FBN1: variants seen among roughly 807,000 people sequenced by gnomAD.
FBN1 encodes fibrillin-1.
In FBN1, 29 loss-of-function variants were observed where a neutral mutation model predicts 365.1. The ratio of observed to expected loss-of-function variants is 0.08; its 90% confidence interval spans 0.06 to 0.11. FBN1 has a LOEUF of 0.11. Ranked by LOEUF, FBN1 falls within the 10% of genes least tolerant of loss-of-function variation. FBN1 has a pLI of 1.00. For missense variants in FBN1, 2,476 were observed against 3,703.2 expected (o/e 0.67, Z 8.60); for synonymous variants, 1,210 against 1,270.5 (o/e 0.95, Z 1.01).
intron 35 of FBN1, 152 bp from the exon 36 acceptor site, chr15:48,470,908 T>C (rs2043369186): frequency 1.1e-6 from 1 of 906,106 alleles, no homozygotes; most frequent in Middle Eastern, 3.2e-4. Flanking sequence ...TTTAGATGAT[T>C]TGCCATGCAC....
chr15:48,535,554 C>G (rs1024897878), intron 7 of FBN1, among the ~76,000 whole-genome samples: 1 of 152,206 alleles, frequency 6.6e-6, no homozygotes, highest in Non-Finnish European at 1.5e-5. Context: ...CCCAAGCAAA[C>G]AGTCTAATGT....
intron 65 of FBN1, 28 bp from the exon 66 acceptor site, chr15:48,411,407 A>T (rs777971482): frequency 1.9e-6 from 3 of 1,605,760 alleles, no homozygotes; most frequent in Admixed American, 3.3e-5. Flanking sequence ...AATATGTTAA[A>T]TACAATGTAC....
At chr15:48,425,242 T>C in intron 60 of FBN1, 127 bp downstream of exon 60, 4 of 1,282,348 alleles carry the variant, frequency 3.1e-6, no homozygotes, top group Non-Finnish European at 4.5e-6. Context: ...ATGGAGGCAT[T>C]AACCCCAGGG....
chr15:48,421,408 A>G (rs2042940075), intron 62 of FBN1, 150 bp downstream of exon 62: 4 of 872,626 alleles, frequency 4.6e-6, no homozygotes, highest in Non-Finnish European at 7.3e-6. Flanking sequence ...ACTCTCTAAG[A>G]TACAGGACCT....
chr15:48,471,624 C>T (rs1408440074), intron 35 of FBN1, among the ~76,000 whole-genome samples: 41 of 152,088 alleles, frequency 2.7e-4, no homozygotes, highest in Admixed American at 2.7e-3. Context: ...GGTTCCATAA[C>T]AAAGAAAAGT....
chr15:48,599,442 A>G (rs2140717021), intron 5 of FBN1, among the ~76,000 whole-genome samples: 1 of 152,316 alleles, frequency 6.6e-6, no homozygotes, highest in Non-Finnish European at 1.5e-5. Context: ...TCTAGAAGAT[A>G]CTATCTGGAA....
At chr15:48,537,916 T>C (rs2044027621) in intron 6 of FBN1, 108 bp from the exon 7 acceptor site, 1 of 1,132,616 alleles carries the variant, frequency 8.8e-7, no homozygotes, top group African/African-American at 1.5e-5. Flanking sequence ...GAAATGAATT[T>C]CAGGGACAGA....
intron 60 of FBN1, among the ~76,000 whole-genome samples, chr15:48,423,040 C>T (rs11636344): frequency 6.6e-6 from 1 of 152,250 alleles, no homozygotes; most frequent in East Asian, 1.9e-4. Flanking sequence ...CAATAAAACC[C>T]TCTGCTTTGA....
intron 32 of FBN1, among the ~76,000 whole-genome samples, chr15:48,478,694 G>T (rs2043443462): frequency 6.6e-6 from 1 of 152,182 alleles, no homozygotes. Context: ...AAGCAAATGT[G>T]TTCTCTCTCC....
chr15:48,434,227 G>A (rs2043046106), intron 54 of FBN1, among the ~76,000 whole-genome samples: 1 of 152,016 alleles, frequency 6.6e-6, no homozygotes, highest in Non-Finnish European at 1.5e-5. Context: ...AAATAGAAAA[G>A]AAGAGAAAAA....
chr15:48,492,430 T>G, intron 24 of FBN1, 31 bp downstream of exon 24: 1 of 1,604,146 alleles, frequency 6.2e-7, no homozygotes, highest in Non-Finnish European at 8.5e-7. Flanking sequence ...TAATAAATTA[T>G]TATTAGAAAA....
intron 6 of FBN1, among the ~76,000 whole-genome samples, chr15:48,553,429 T>C (rs181518464): frequency 2.6e-5 from 4 of 152,296 alleles, no homozygotes; most frequent in Admixed American, 2.6e-4. Context: ...TGTAAATGCC[T>C]AGGTAGGTTC....
chr15:48,500,032 T>C (rs2043641571), intron 17 of FBN1, among the ~76,000 whole-genome samples: 1 of 152,204 alleles, frequency 6.6e-6, no homozygotes, highest in Non-Finnish European at 1.5e-5. Flanking sequence ...CCAAAGATTA[T>C]CATGTCTTCT....
At chr15:48,516,076 A>G in intron 11 of FBN1, 107 bp downstream of exon 11, 2 of 1,134,944 alleles carry the variant, frequency 1.8e-6, no homozygotes, top group Non-Finnish European at 2.6e-6. Flanking sequence ...AAATTAATAT[A>G]ACAATTTACA....
At chr15:48,450,738 G>A (rs912167015) in intron 45 of FBN1, among the ~76,000 whole-genome samples, 13 of 152,110 alleles carry the variant, frequency 8.5e-5, no homozygotes, top group Admixed American at 3.9e-4. Flanking sequence ...GGGTGCTATG[G>A]CCAGGTGTGA....
At chr15:48,442,170 A>C (rs2043120961) in intron 49 of FBN1, among the ~76,000 whole-genome samples, 1 of 152,194 alleles carries the variant, frequency 6.6e-6, no homozygotes. Flanking sequence ...GCCAGGAAAG[A>C]AGCATGAAAT....
intron 43 of FBN1, 57 bp downstream of exon 43, chr15:48,460,189 T>C: frequency 7.8e-7 from 1 of 1,288,968 alleles, no homozygotes; most frequent in Middle Eastern, 1.8e-4. Context: ...ACTGAAAAAA[T>C]AATGCTAACA....
chr15:48,428,578 C>G, intron 56 of FBN1, 107 bp from the exon 57 acceptor site: 1 of 1,256,212 alleles, frequency 8.0e-7, no homozygotes, highest in Non-Finnish European at 1.2e-6. Flanking sequence ...CTCCTTCCCT[C>G]CCTTTGTTCC....
chr15:48,473,893 T>C (rs1395116874), intron 34 of FBN1, among the ~76,000 whole-genome samples: 4 of 152,192 alleles, frequency 2.6e-5, no homozygotes, highest in Admixed American at 6.5e-5. Context: ...TATACAGTCA[T>C]ATAATGATAT....
Sources: gnomAD v4.1 joint callset for allele counts (sites outside exome capture counted in the v4.1 genomes callset) on GRCh38, gnomAD v4.1.1 for gene constraint, MANE v1.5 for transcripts, NCBI Gene and HGNC (gene_info 2026-07-23, HGNC 2026-07-21) for gene names.